The following KCNB2 variants were observed in gnomAD, a reference collection of about 807,000 sequenced individuals.
KCNB2 encodes delayed rectifier potassium channel protein.
Under a neutral mutation model 61.5 loss-of-function variants are expected in KCNB2, and 15 were observed. That is an observed-to-expected ratio of 0.24 (90% CI 0.16 to 0.38). The LOEUF (loss-of-function observed/expected upper bound fraction) is 0.38. KCNB2 is among the 10% of genes least tolerant of loss of function. The pLI, the probability that KCNB2 is intolerant of heterozygous loss-of-function variation, is 1.00. For missense variants in KCNB2, 828 were observed against 1,125.2 expected (o/e 0.74, Z 3.78); for synonymous variants, 457 against 446.0 (o/e 1.02, Z -0.31).
chr8:72,653,810 G>A (rs895747424), intron 2 of KCNB2, among the ~76,000 whole-genome samples: 36 of 152,180 alleles, frequency 2.4e-4, no homozygotes, highest in African/African-American at 8.4e-4. Context: ...GATGGCATAT[G>A]TGTCTGGGTT....
At chr8:72,924,072 G>C (rs1189095064) in intron 2 of KCNB2, among the ~76,000 whole-genome samples, 1 of 152,124 alleles carries the variant, frequency 6.6e-6, no homozygotes, top group Non-Finnish European at 1.5e-5. Flanking sequence ...CCAGGATGAG[G>C]GTCAAGTCAT....
chr8:72,928,598 C>G (rs1408423500), intron 2 of KCNB2, among the ~76,000 whole-genome samples: 2 of 151,588 alleles, frequency 1.3e-5, no homozygotes, highest in Non-Finnish European at 2.9e-5. Flanking sequence ...ATGGAATATA[C>G]AGCATTCTTA....
At chr8:72,855,307 C>A (rs968414343) in intron 2 of KCNB2, among the ~76,000 whole-genome samples, 7 of 152,180 alleles carry the variant, frequency 4.6e-5, no homozygotes, top group Admixed American at 1.3e-4. Context: ...ACTCTCTTCA[C>A]CCCCATCTCA....
At chr8:72,910,144 T>G (rs1272685391) in intron 2 of KCNB2, among the ~76,000 whole-genome samples, 1 of 152,188 alleles carries the variant, frequency 6.6e-6, no homozygotes, top group Non-Finnish European at 1.5e-5. Context: ...TGCTAAGCCT[T>G]TCTGAGCTTT....
At chr8:72,835,279 C>G (rs1034851510) in intron 2 of KCNB2, among the ~76,000 whole-genome samples, 1 of 152,098 alleles carries the variant, frequency 6.6e-6, no homozygotes, top group Non-Finnish European at 1.5e-5. Flanking sequence ...AAATAATATA[C>G]CTCACCACCC....
At chr8:72,689,137 G>A (rs539829183) in intron 2 of KCNB2, among the ~76,000 whole-genome samples, 1 of 152,182 alleles carries the variant, frequency 6.6e-6, no homozygotes, top group African/African-American at 2.4e-5. Flanking sequence ...GAGATAGAGA[G>A]AGAGAGATAG....
intron 2 of KCNB2, among the ~76,000 whole-genome samples, chr8:72,653,488 G>A (rs934159936): frequency 2.6e-5 from 4 of 151,778 alleles, no homozygotes; most frequent in African/African-American, 4.8e-5. Context: ...ATCACCTGCC[G>A]TATCATTGGG....
chr8:72,799,133 A>G (rs2128999346), intron 2 of KCNB2, among the ~76,000 whole-genome samples: 1 of 152,220 alleles, frequency 6.6e-6, no homozygotes, highest in East Asian at 1.9e-4. Context: ...CCCCATCACC[A>G]TCTTCTCACC....
At chr8:72,774,587 T>A (rs927128511) in intron 2 of KCNB2, among the ~76,000 whole-genome samples, 3 of 152,106 alleles carry the variant, frequency 2.0e-5, no homozygotes, top group African/African-American at 7.2e-5. Context: ...TGATCTCAAG[T>A]GATCCCCCAC....
At chr8:72,669,669 G>T (rs1284558681) in intron 2 of KCNB2, among the ~76,000 whole-genome samples, 1 of 152,154 alleles carries the variant, frequency 6.6e-6, no homozygotes, top group Non-Finnish European at 1.5e-5. Flanking sequence ...AGAGACTGTA[G>T]TACTTTTAAG....
At chr8:72,706,755 C>T (rs541769760) in intron 2 of KCNB2, among the ~76,000 whole-genome samples, 2 of 152,282 alleles carry the variant, frequency 1.3e-5, no homozygotes, top group Non-Finnish European at 2.9e-5. Flanking sequence ...TAGGGATGGG[C>T]AAAGTTGCCA....
intron 2 of KCNB2, among the ~76,000 whole-genome samples, chr8:72,906,861 C>T (rs1226648401): frequency 6.6e-6 from 1 of 152,118 alleles, no homozygotes; most frequent in African/African-American, 2.4e-5. Flanking sequence ...GATGTATCTC[C>T]TCATATTCTA....
chr8:72,585,697 C>T (rs1806991886), intron 2 of KCNB2, among the ~76,000 whole-genome samples: 1 of 151,916 alleles, frequency 6.6e-6, no homozygotes. Flanking sequence ...GAAGTTATAT[C>T]AATGATGGAA....
chr8:72,602,019 C>T (rs753171750), intron 2 of KCNB2, among the ~76,000 whole-genome samples: 3 of 152,110 alleles, frequency 2.0e-5, no homozygotes, highest in South Asian at 2.1e-4. Flanking sequence ...TCTCTAGACA[C>T]GTTCTATTTC....
intron 2 of KCNB2, among the ~76,000 whole-genome samples, chr8:72,915,060 A>T (rs915201064): frequency 3.8e-4 from 58 of 152,056 alleles, no homozygotes; most frequent in African/African-American, 1.4e-3. Context: ...ATGCACCACC[A>T]TGCCCCGCTA....
intron 2 of KCNB2, among the ~76,000 whole-genome samples, chr8:72,824,538 A>G (rs908707413): frequency 1.3e-5 from 2 of 152,120 alleles, no homozygotes; most frequent in Non-Finnish European, 2.9e-5. Context: ...GTGGTATCTA[A>G]GGAAATCTGA....
intron 2 of KCNB2, among the ~76,000 whole-genome samples, chr8:72,870,537 G>C (rs1381420790): frequency 1.3e-5 from 2 of 152,100 alleles, no homozygotes; most frequent in Non-Finnish European, 2.9e-5. Flanking sequence ...TCATCTGAAA[G>C]GAAACAGTGT....
At chr8:72,890,215 C>A (rs772464380) in intron 2 of KCNB2, among the ~76,000 whole-genome samples, 2 of 152,166 alleles carry the variant, frequency 1.3e-5, no homozygotes, top group Non-Finnish European at 2.9e-5. Context: ...ATCTAGAAGT[C>A]ATTCCATATA....
At chr8:72,865,106 C>A (rs796601762) in intron 2 of KCNB2, among the ~76,000 whole-genome samples, 5 of 152,150 alleles carry the variant, frequency 3.3e-5, no homozygotes, top group South Asian at 4.1e-4. Flanking sequence ...CCTGGCTGAC[C>A]TCTGAGGATT....
Sources: allele counts gnomAD v4.1 joint callset (sites outside exome capture counted in the v4.1 genomes callset), GRCh38; gene constraint gnomAD v4.1.1; transcripts MANE v1.5; gene names NCBI Gene and HGNC (gene_info 2026-07-23, HGNC 2026-07-21).